The following NEGR1 variants were observed in gnomAD, a reference collection of about 807,000 sequenced individuals.
NEGR1 encodes the protein IgLON family member 4.
In NEGR1, 10 loss-of-function variants were observed where a neutral mutation model predicts 40.9. The ratio of observed to expected loss-of-function variants is 0.24; its 90% CI spans 0.15 to 0.42. The LOEUF (loss-of-function observed/expected upper bound fraction) is 0.42. Ranked by LOEUF, NEGR1 falls within the 10% of genes least tolerant of loss-of-function variation. NEGR1 has a pLI of 1.00. For synonymous variants in NEGR1, 185 were observed against 166.8 expected, an observed-to-expected ratio of 1.11 and a Z score of -0.84; for missense variants, 352 against 438.9, an observed-to-expected ratio of 0.80 and a Z score of 1.77.
rs501478 is a variant in NEGR1 at position 71,806,700 on chromosome 1, T to A, written c.410-30403A>T. On this transcript the variant is annotated intron_variant, in intron 2 of 6. Transcript: ENST00000357731. ...TACTCACAATGGCCCTATAAGGCAATAATCTTATTCTAATAAAAATTTAAA... is the reference window on the plus strand; with the variant it reads ...TACTCACAATGGCCCTATAAGGCAAAAATCTTATTCTAATAAAAATTTAAA... Among the ~76,000 whole-genome samples, 290 of 152,200 alleles carry A rather than the reference T, an allele frequency of 1.9e-3. 1 individual carries two copies. Among genetic ancestry groups the A allele is most frequent in the Non-Finnish European group, 2.8e-3 (191 of 68,002 alleles).
intron 2 of NEGR1, among the ~76,000 whole-genome samples, chr1:71,817,283 C>T (rs191887219): frequency 9.2e-5 from 14 of 152,144 alleles, no homozygotes; most frequent in Non-Finnish European, 5.9e-5. Context: ...GCTCAAACAG[C>T]CCACATTCAA....
At chr1:71,965,171 A>G (rs1646200318) in intron 1 of NEGR1, among the ~76,000 whole-genome samples, 1 of 152,102 alleles carries the variant, frequency 6.6e-6, no homozygotes, top group Non-Finnish European at 1.5e-5. Context: ...CGCTTTTACA[A>G]TTTCTCATAT....
intron 1 of NEGR1, among the ~76,000 whole-genome samples, chr1:71,966,634 A>C (rs7511981): frequency 0.55 from 83,955 of 151,950 alleles, 24,838 homozygotes; most frequent in African/African-American, 0.75. Flanking sequence ...ATCAAATGGT[A>C]TTTTAAAGAG....
At chr1:71,466,034 C>T (rs1471576666) in intron 6 of NEGR1, among the ~76,000 whole-genome samples, 1 of 151,962 alleles carries the variant, frequency 6.6e-6, no homozygotes, top group African/African-American at 2.4e-5. Flanking sequence ...GACCCATGCT[C>T]TATTTCTGAT....
intron 6 of NEGR1, among the ~76,000 whole-genome samples, chr1:71,515,754 G>T (rs2101423416): frequency 7.2e-6 from 1 of 138,296 alleles, no homozygotes; most frequent in East Asian, 2.0e-4. Flanking sequence ...TGGACTAAAT[G>T]CTCCAATTAA....
chr1:72,041,625 G>A (rs1055497555), intron 1 of NEGR1, among the ~76,000 whole-genome samples: 10 of 149,834 alleles, frequency 6.7e-5, no homozygotes, highest in Admixed American at 2.7e-4. Context: ...GTGACCCTCC[G>A]TACCTCAAAT....
At chr1:71,942,712 C>T (rs1176374697) in intron 1 of NEGR1, among the ~76,000 whole-genome samples, 1 of 141,956 alleles carries the variant, frequency 7.0e-6, no homozygotes. Flanking sequence ...CCGTTTTAGC[C>T]GGGATGGTCT....
At chr1:71,414,759 C>A (rs1470683148) in intron 6 of NEGR1, among the ~76,000 whole-genome samples, 1 of 152,078 alleles carries the variant, frequency 6.6e-6, no homozygotes, top group Non-Finnish European at 1.5e-5. Context: ...GAAGAATGCC[C>A]GAGTAGCATA....
At chr1:71,653,618 T>C (rs1651785489) in intron 4 of NEGR1, among the ~76,000 whole-genome samples, 1 of 152,176 alleles carries the variant, frequency 6.6e-6, no homozygotes, top group Non-Finnish European at 1.5e-5. Context: ...AAATAAGTAA[T>C]ATTCATTAAA....
At chr1:71,688,325 T>TATATAG (rs1475341609) in intron 4 of NEGR1, among the ~76,000 whole-genome samples, 14 of 103,208 alleles carry the variant, frequency 1.4e-4, no homozygotes, top group African/African-American at 4.1e-4. Context: ...TATATATATA[T>TATATAG]ATAGATAGAT....
intron 2 of NEGR1, among the ~76,000 whole-genome samples, chr1:71,782,452 A>G (rs922338304): frequency 5.3e-5 from 8 of 151,892 alleles, no homozygotes; most frequent in Non-Finnish European, 4.4e-5. Flanking sequence ...CCACTCCTAT[A>G]CTCATTTCTT....
chr1:71,497,952 A>G (rs1646975925), intron 6 of NEGR1, among the ~76,000 whole-genome samples: 1 of 152,048 alleles, frequency 6.6e-6, no homozygotes, highest in East Asian at 1.9e-4. Flanking sequence ...AGCTTTTTCC[A>G]TTGCAGAAAC....
chr1:72,162,292 A>AAAAAATAAAAAT (rs1651596594), intron 1 of NEGR1, among the ~76,000 whole-genome samples: 2 of 144,656 alleles, frequency 1.4e-5, no homozygotes, highest in Admixed American at 6.9e-5. Flanking sequence ...CCTCTACTAA[A>AAAAAATAAAAAT]AAAAAATAAA....
chr1:72,257,353 C>T (rs938453611), intron 1 of NEGR1, among the ~76,000 whole-genome samples: 4 of 143,232 alleles, frequency 2.8e-5, no homozygotes, highest in Admixed American at 2.8e-4. Context: ...AAGAATAGCA[C>T]ATAACATTTC....
rs543737939 is a variant in NEGR1 at position 71,502,900 on chromosome 1, C to G, written c.940+89917G>C. On this transcript the variant is annotated intron_variant, in intron 6 of 6. Transcript: ENST00000357731. ...CTCCCGCAAGGGAAATGGCCAGAGA[C>G]AGAGGCAGCGATTCTTGGGGTGTGC... Among the ~76,000 whole-genome samples the G allele has an allele frequency of 2.2e-3, 330 of 152,264 alleles. 9 individuals carry two copies. In the South Asian group the frequency reaches 0.034, roughly 15 times the overall value.
chr1:71,718,915 A>T (rs1314742518), intron 3 of NEGR1, among the ~76,000 whole-genome samples: 1 of 152,144 alleles, frequency 6.6e-6, no homozygotes, highest in Non-Finnish European at 1.5e-5. Flanking sequence ...TCCTTCTTAC[A>T]AAACTTCAGC....
chr1:71,883,972 A>C (rs1300119220), intron 2 of NEGR1, among the ~76,000 whole-genome samples: 1 of 150,008 alleles, frequency 6.7e-6, no homozygotes. Flanking sequence ...GGAAGAGTTA[A>C]CTACAGCCTT....
intron 1 of NEGR1, among the ~76,000 whole-genome samples, chr1:72,116,283 C>T (rs2630397): frequency 0.27 from 40,648 of 151,492 alleles, 6,152 homozygotes; most frequent in African/African-American, 0.41. Context: ...AAAGTTAAGC[C>T]ATAAACTTTA....
intron 2 of NEGR1, among the ~76,000 whole-genome samples, chr1:71,830,122 A>T (rs1326716027): frequency 6.6e-6 from 1 of 151,904 alleles, no homozygotes; most frequent in Non-Finnish European, 1.5e-5. Context: ...AGGACTTTTC[A>T]TCTTTATCAG....
Sources: gnomAD v4.1 joint callset for allele counts (sites outside exome capture counted in the v4.1 genomes callset) on GRCh38, gnomAD v4.1.1 for gene constraint, MANE v1.5 for transcripts, NCBI Gene and HGNC (gene_info 2026-07-23, HGNC 2026-07-21) for gene names.